Variants in ETV6 observed in about 807,000 individuals in gnomAD.
ETV6 encodes ETS variant transcription factor 6.
Under a neutral mutation model 51.1 loss-of-function variants are expected in ETV6, and 16 were observed. The observed-to-expected ratio is 0.31, with a 90% CI of 0.21 to 0.48. The LOEUF is 0.48. Ranked by LOEUF, ETV6 falls within the 20% of genes least tolerant of loss-of-function variation. The pLI is 0.99. For synonymous variants in ETV6, 240 were observed against 224.1 expected (o/e 1.07, Z -0.64); for missense variants, 458 against 594.8 (o/e 0.77, Z 2.39).
At chr12:11,750,534 T>G (rs1011975133) in intron 1 of ETV6, among the ~76,000 whole-genome samples, 2 of 152,226 alleles carry the variant, frequency 1.3e-5, no homozygotes, top group Non-Finnish European at 2.9e-5. Context: ...AAGCACCATT[T>G]GAAGACCCTT....
At chr12:11,756,589 A>T (rs76272344) in intron 2 of ETV6, among the ~76,000 whole-genome samples, 1 of 152,210 alleles carries the variant, frequency 6.6e-6, no homozygotes, top group Non-Finnish European at 1.5e-5. Context: ...TCTTGACTCT[A>T]CGCAGAGAAG....
At chr12:11,784,862 A>ATTTTTTTTTTTTTTTTTTTTTTTTT (rs34004409) in intron 2 of ETV6, among the ~76,000 whole-genome samples, 6 of 85,756 alleles carry the variant, frequency 7.0e-5, no homozygotes, top group East Asian at 7.1e-4. Context: ...TGCCTTGCTA[A>ATTTTTTTTTTTTTTTTTTTTTTTTT]TTTTTTTTTT....
At chr12:11,864,979 C>T (rs928618665) in intron 4 of ETV6, among the ~76,000 whole-genome samples, 3 of 152,084 alleles carry the variant, frequency 2.0e-5, no homozygotes, top group Non-Finnish European at 2.9e-5. Flanking sequence ...AGGCTGGGCG[C>T]GGTGGCTCAT....
rs191537430 is a variant in ETV6 at position 11,719,687 on chromosome 12, G to T, written c.34-32763G>T. On this transcript the variant is annotated intron_variant, in intron 1 of 7. Transcript: ENST00000396373. ...CGTCTTTTGGGGGTGCTAGGGCAGA[G>T]TCAGGCTTGAATCTGAGAAAGGCAA... 2.7e-3 allele frequency among the ~76,000 whole-genome samples: 418 copies of T among 152,344 alleles called. 1 individual carries two copies. The highest frequency in any genetic ancestry group is 8.9e-3 in the African/African-American group (370 of 41,566).
At chr12:11,725,814 A>T (rs1865477317) in intron 1 of ETV6, among the ~76,000 whole-genome samples, 1 of 152,062 alleles carries the variant, frequency 6.6e-6, no homozygotes, top group Admixed American at 6.6e-5. Flanking sequence ...TTGCCACGTG[A>T]TCTCTGCACA....
chr12:11,662,170 A>G (rs1864111928), intron 1 of ETV6, among the ~76,000 whole-genome samples: 1 of 152,236 alleles, frequency 6.6e-6, no homozygotes, highest in Non-Finnish European at 1.5e-5. Context: ...ACTGACATAG[A>G]CAGCAAGTAT....
In ETV6 at chr12:11,715,600, G is replaced by A. The variant is rs141637766; in HGVS notation, c.34-36850G>A. Among the ~76,000 whole-genome samples the A allele has an allele frequency of 1.4e-3, 216 of 152,366 alleles. 1 individual carries two copies. Among genetic ancestry groups the A allele is most frequent in the African/African-American group, 4.9e-3 (203 of 41,586 alleles). On this transcript the variant is annotated intron_variant, in intron 1 of 7. Coordinates refer to ENST00000396373, the MANE Select transcript of ETV6 (RefSeq NM_001987.5). ...GCTACGCTGTGCCATCTACTCCTCT[G>A]CCCTGCTGCTTTCCTAATCAGTACT...
At chr12:11,674,229 A>G (rs911141640) in intron 1 of ETV6, among the ~76,000 whole-genome samples, 5 of 152,092 alleles carry the variant, frequency 3.3e-5, no homozygotes, top group African/African-American at 1.2e-4. Context: ...CGTTAGTTCC[A>G]TAGGCCATGA....
chr12:11,757,152 T>TCTCTTTCCTTTC (rs1235683273), intron 2 of ETV6, among the ~76,000 whole-genome samples: 1 of 152,150 alleles, frequency 6.6e-6, no homozygotes, highest in Non-Finnish European at 1.5e-5. Context: ...GTCCCTTGGC[T>TCTCTTTCCTTTC]CTCTTTCCTT....
chr12:11,658,257 A>G (rs563241612), intron 1 of ETV6, among the ~76,000 whole-genome samples: 1 of 152,142 alleles, frequency 6.6e-6, no homozygotes, highest in East Asian at 1.9e-4. Context: ...TGTTTTTGAG[A>G]CAGAGTCTCG....
At chr12:11,701,225 C>A (rs1306696894) in intron 1 of ETV6, among the ~76,000 whole-genome samples, 1 of 152,094 alleles carries the variant, frequency 6.6e-6, no homozygotes, top group African/African-American at 2.4e-5. Context: ...ACCATCAGCG[C>A]TCTCCAGAAC....
intron 1 of ETV6, among the ~76,000 whole-genome samples, chr12:11,688,805 C>T (rs548343907): frequency 1.3e-5 from 2 of 152,288 alleles, no homozygotes; most frequent in African/African-American, 4.8e-5. Context: ...TAGAAGGATC[C>T]TTAGTGATCC....
chr12:11,858,540 C>G (rs571658127), intron 4 of ETV6, among the ~76,000 whole-genome samples: 2 of 152,222 alleles, frequency 1.3e-5, no homozygotes, highest in East Asian at 3.9e-4. Flanking sequence ...ACAGAATCAC[C>G]CCATGGGACT....
At chr12:11,710,882 A>G (rs1393339664) in intron 1 of ETV6, among the ~76,000 whole-genome samples, 1 of 152,174 alleles carries the variant, frequency 6.6e-6, no homozygotes, top group Admixed American at 6.5e-5. Context: ...CTCTCTGGTC[A>G]TGTCAAGAAA....
chr12:11,874,316 G>T (rs1370445485), intron 5 of ETV6, among the ~76,000 whole-genome samples: 3 of 150,666 alleles, frequency 2.0e-5, no homozygotes, highest in African/African-American at 7.3e-5. Flanking sequence ...GGTGGAGGTT[G>T]TAATGAGCCA....
intron 1 of ETV6, among the ~76,000 whole-genome samples, chr12:11,731,048 C>T (rs1357294592): frequency 6.6e-6 from 1 of 152,138 alleles, no homozygotes; most frequent in African/African-American, 2.4e-5. Flanking sequence ...AGTGAGGCTG[C>T]CTTTTGTAGC....
At chr12:11,781,413 T>C (rs1445358666) in intron 2 of ETV6, among the ~76,000 whole-genome samples, 1 of 152,232 alleles carries the variant, frequency 6.6e-6, no homozygotes, top group East Asian at 1.9e-4. Flanking sequence ...CTCTTGGTTC[T>C]AGTTTTGCCA....
chr12:11,735,653 T>G (rs1469348975), intron 1 of ETV6, among the ~76,000 whole-genome samples: 1 of 152,134 alleles, frequency 6.6e-6, no homozygotes, highest in Non-Finnish European at 1.5e-5. Context: ...CAGGCTGGAG[T>G]GCAATGGCAC....
At chr12:11,843,024 G>A (rs890995235) in intron 3 of ETV6, among the ~76,000 whole-genome samples, 4 of 152,202 alleles carry the variant, frequency 2.6e-5, no homozygotes, top group African/African-American at 9.7e-5. Context: ...ATCATACATC[G>A]TCTCCATTAT....
Sources: allele counts gnomAD v4.1 joint callset (sites outside exome capture counted in the v4.1 genomes callset), GRCh38; gene constraint gnomAD v4.1.1; transcripts MANE v1.5; gene names NCBI Gene and HGNC (gene_info 2026-07-23, HGNC 2026-07-21).